Variants in DBX2 observed in about 807,000 individuals in gnomAD.
DBX2 encodes homeobox protein DBX2.
Under a neutral mutation model 17.7 loss-of-function variants are expected in DBX2, and 16 were observed. The ratio of observed to expected loss-of-function variants is 0.90; its 90% confidence interval spans 0.61 to 1.37. DBX2 has a LOEUF of 1.37. Ranked by LOEUF, DBX2 falls within the 40% of genes most tolerant of loss-of-function variation. The pLI is 0.00. For synonymous variants in DBX2, 255 were observed against 183.8 expected, an observed-to-expected ratio of 1.39 and a Z score of -3.13; for missense variants, 538 against 433.8, an observed-to-expected ratio of 1.24 and a Z score of -2.13.
At position 45,033,256 on chromosome 12, in the gene DBX2, C is replaced by T. The variant is rs555322143; in HGVS notation, c.499+2763G>A. Reference sequence around the variant, plus strand: ...TTAAAAATGTGCTGGTCTGATCCTACTCTTTGGAAAGAGTGAAGCAATATT... The same window carrying T: ...TTAAAAATGTGCTGGTCTGATCCTATTCTTTGGAAAGAGTGAAGCAATATT... On this transcript the variant is annotated intron_variant, in intron 2 of 3. Transcript: ENST00000332700. Among the ~76,000 whole-genome samples the T allele has an allele frequency of 4.6e-5, 7 of 152,326 alleles. No individual in the cohort carries two copies. The South Asian group carries it at 1.5e-3, about 32-fold the overall frequency.
chr12:45,027,882 T>C (rs1592753025), intron 2 of DBX2, among the ~76,000 whole-genome samples: 1 of 152,142 alleles, frequency 6.6e-6, no homozygotes, highest in East Asian at 1.9e-4. Flanking sequence ...ATCCTTAAGG[T>C]GTTCATAGTC....
At chr12:45,023,917 CA>C in intron 2 of DBX2, 23 bp from the exon 3 acceptor site, 1 of 1,529,522 alleles carries the variant, frequency 6.5e-7, no homozygotes, top group South Asian at 1.3e-5. Context: ...GAAAAAGATA[CA>C]AAAGCCCAGT....
intron 3 of DBX2, among the ~76,000 whole-genome samples, chr12:45,021,748 G>A (rs1037928124): frequency 6.6e-6 from 1 of 152,132 alleles, no homozygotes; most frequent in African/African-American, 2.4e-5. Flanking sequence ...CAATCACACG[G>A]CTGTCCTTTG....
Position 45,050,529 on chromosome 12 carries a change from C to A in DBX2, c.399G>T (p.Ala133=), listed in dbSNP as rs994950313. The part of the protein sequence containing the change: ...GDRDCTFQPS[A]PAPSKPFLLS... ...GGGAGGGGAGAGCTGGCTCACCTGGCGCTGAAGGCTGGAAGGTACAGTCTC... is the reference window on the plus strand; with the variant it reads ...GGGAGGGGAGAGCTGGCTCACCTGGAGCTGAAGGCTGGAAGGTACAGTCTC... Residue 133 remains alanine, a synonymous_variant, in exon 1 of 4, where the codon GCG becomes GCT. Transcript: ENST00000332700. 6.5e-6 allele frequency: 10 copies of A among 1,549,716 alleles called. No homozygotes were observed. In the African/African-American group the frequency reaches 1.2e-4, roughly 19 times the overall value.
chr12:45,023,094 G>A (rs1415681771), intron 3 of DBX2, among the ~76,000 whole-genome samples: 1 of 152,166 alleles, frequency 6.6e-6, no homozygotes, highest in Non-Finnish European at 1.5e-5. Flanking sequence ...AACTTTAAAT[G>A]GAGTATTATA....
At chr12:45,033,332 T>C (rs1425344115) in intron 2 of DBX2, among the ~76,000 whole-genome samples, 1 of 152,238 alleles carries the variant, frequency 6.6e-6, no homozygotes, top group Non-Finnish European at 1.5e-5. Context: ...AACTTTTTAA[T>C]ATAAACCTAA....
chr12:45,032,040 C>A (rs2137024941), intron 2 of DBX2, among the ~76,000 whole-genome samples: 1 of 139,094 alleles, frequency 7.2e-6, no homozygotes, highest in East Asian at 2.5e-4. Flanking sequence ...TGCTTAAGAA[C>A]ATTTGGGGAG....
chr12:45,040,603 C>A (rs1495042), intron 1 of DBX2, among the ~76,000 whole-genome samples: 2 of 151,816 alleles, frequency 1.3e-5, no homozygotes. Context: ...GATACAGATT[C>A]AAGATATCTT....
At chr12:45,049,953 GCCTAAAGTGAT>G (rs900623469) in intron 1 of DBX2, among the ~76,000 whole-genome samples, 2 of 152,008 alleles carry the variant, frequency 1.3e-5, no homozygotes, top group African/African-American at 4.8e-5. Context: ...ATTTCTTTGC[GCCTAAAGTGAT>G]CCAAAATTTA....
chr12:45,036,108 G>A lies in DBX2; in HGVS notation c.410C>T (p.Ser137Phe). 1.2e-5 allele frequency: 20 copies of A among 1,611,880 alleles called. No homozygotes were observed. The highest frequency in any genetic ancestry group is 1.7e-5 in the Non-Finnish European group (20 of 1,179,234). Residue 137 changes from serine (S) to phenylalanine (F), a missense_variant, in exon 2 of 4, where the codon TCC becomes TTC. By Grantham distance (155) the Ser-to-Phe change is radical. Coordinates refer to ENST00000332700, the MANE Select transcript of DBX2 (RefSeq NM_001004329.3). Reference protein sequence around the residue: ...CTFQPSAPAPSKPFLLSTPPF... With the variant: ...CTFQPSAPAPFKPFLLSTPPF... ...CGGGGTGCTCAGAAGGAAAGGTTTGGAAGGTGCTGCAGAGAAAGCATTGAT... is the reference window on the plus strand; with the variant it reads ...CGGGGTGCTCAGAAGGAAAGGTTTGAAAGGTGCTGCAGAGAAAGCATTGAT...
At chr12:45,022,042 CA>C (rs751130488) in intron 3 of DBX2, among the ~76,000 whole-genome samples, 36 of 152,100 alleles carry the variant, frequency 2.4e-4, no homozygotes, top group Non-Finnish European at 4.9e-4. Context: ...GTTATATACA[CA>C]AAACTGCTTT....
chr12:45,017,184 T>C (rs2137016815), intron 3 of DBX2, among the ~76,000 whole-genome samples: 1 of 152,344 alleles, frequency 6.6e-6, no homozygotes, highest in African/African-American at 2.4e-5. Context: ...TCAAAATTCA[T>C]TTAACTCTTA....
In DBX2 at chr12:45,016,251, C is replaced by T. The variant is rs545153567; in HGVS notation, c.*35G>A. 4.2e-5 allele frequency: 64 copies of T among 1,523,960 alleles called. No homozygotes were observed. In the East Asian group the frequency reaches 8.0e-4, roughly 19 times the overall value. 94.4% of individuals were successfully genotyped at this position (1,523,960 alleles called of 1,614,324 possible). A position where few individuals can be genotyped will look rare whatever the true frequency, so the allele number is the denominator to read the frequency against. ...TTAGAGTCCAGATGTTACTATTAAGCGTTCTTTTAAATGAACACGGAGGAA... is the reference window on the plus strand; with the variant it reads ...TTAGAGTCCAGATGTTACTATTAAGTGTTCTTTTAAATGAACACGGAGGAA... On this transcript the variant is annotated 3_prime_UTR_variant, in exon 4 of 4. Coordinates refer to ENST00000332700, the MANE Select transcript of DBX2 (RefSeq NM_001004329.3).
At chr12:45,049,707 A>T (rs867556690) in intron 1 of DBX2, among the ~76,000 whole-genome samples, 3 of 151,814 alleles carry the variant, frequency 2.0e-5, no homozygotes, top group South Asian at 2.1e-4. Flanking sequence ...CTGAGTCTCT[A>T]AGAGGCTTTT....
At chr12:45,019,802 A>G (rs1179833244) in intron 3 of DBX2, among the ~76,000 whole-genome samples, 2 of 152,096 alleles carry the variant, frequency 1.3e-5, no homozygotes, top group Admixed American at 6.5e-5. Flanking sequence ...AACAATACAC[A>G]TTATCAGTAG....
intron 2 of DBX2, among the ~76,000 whole-genome samples, chr12:45,034,864 GC>G (rs1281730843): frequency 2.6e-5 from 4 of 152,208 alleles, no homozygotes; most frequent in Admixed American, 2.6e-4. Context: ...CCTTGCCCAA[GC>G]CTTTTCCATG....
intron 2 of DBX2, among the ~76,000 whole-genome samples, chr12:45,031,827 G>A (rs1447726599): frequency 6.6e-6 from 1 of 152,112 alleles, no homozygotes; most frequent in Non-Finnish European, 1.5e-5. Context: ...TGAGCTGACA[G>A]TACGCTTTCC....
At chr12:45,039,684 G>A (rs753994847) in intron 1 of DBX2, among the ~76,000 whole-genome samples, 3 of 151,800 alleles carry the variant, frequency 2.0e-5, no homozygotes, top group Admixed American at 6.6e-5. Context: ...ATTAACATTC[G>A]ACACATCTGA....
chr12:45,035,627 C>G (rs79925649), intron 2 of DBX2, among the ~76,000 whole-genome samples: 2,921 of 152,290 alleles, frequency 0.019, 90 homozygotes, highest in African/African-American at 0.066. Context: ...TAGTGACTTT[C>G]TGTGTTACAT....
Sources: gnomAD v4.1 joint callset for allele counts (sites outside exome capture counted in the v4.1 genomes callset) on GRCh38, gnomAD v4.1.1 for gene constraint, MANE v1.5 for transcripts, NCBI Gene and HGNC (gene_info 2026-07-23, HGNC 2026-07-21) for gene names.